Variants in TCF4 observed in about 807,000 individuals in gnomAD.
TCF4 encodes the protein SL3-3 enhancer factor 2.
TCF4 carries 3 observed loss-of-function variants against 82.1 expected under a neutral mutation model. That is an observed-to-expected ratio of 0.04 (90% CI 0.02 to 0.09). The LOEUF is 0.09. Among genes scored for constraint, TCF4 ranks in the 10% least tolerant of loss-of-function variants. The pLI is 1.00. For synonymous variants in TCF4, 276 were observed against 309.6 expected, an observed-to-expected ratio of 0.89 and a Z score of 1.14; for missense variants, 518 against 852.7, an observed-to-expected ratio of 0.61 and a Z score of 4.89.
intron 11 of TCF4, among the ~76,000 whole-genome samples, chr18:55,262,848 C>T (rs1198603390): frequency 2.0e-5 from 3 of 152,202 alleles, no homozygotes; most frequent in Non-Finnish European, 2.9e-5. Flanking sequence ...GTTCTGTTGC[C>T]CAGGCTGGAG....
intron 5 of TCF4, among the ~76,000 whole-genome samples, chr18:55,440,134 G>T (rs940834513): frequency 6.6e-6 from 1 of 152,074 alleles, no homozygotes; most frequent in Non-Finnish European, 1.5e-5. Context: ...GAGCCACCAC[G>T]CCCAGCCACA....
intron 3 of TCF4, among the ~76,000 whole-genome samples, chr18:55,575,004 T>G (rs2097514813): frequency 6.6e-6 from 1 of 152,190 alleles, no homozygotes; most frequent in African/African-American, 2.4e-5. Flanking sequence ...CCTTAAACAA[T>G]TATGGACTAT....
At chr18:55,297,147 GTTT>G (rs35268463) in intron 8 of TCF4, among the ~76,000 whole-genome samples, 52 of 64,264 alleles carry the variant, frequency 8.1e-4, no homozygotes, top group African/African-American at 2.3e-3. Flanking sequence ...TTTCTTTGAG[GTTT>G]TTTTTTTTTT....
At chr18:55,511,330 T>TAAAAAAAAAAAAAAAAAAAAAAAAAAAA (rs751932079) in intron 3 of TCF4, among the ~76,000 whole-genome samples, 2 of 73,072 alleles carry the variant, frequency 2.7e-5, no homozygotes, top group Non-Finnish European at 3.3e-5. Flanking sequence ...TTCCAAAAGT[T>TAAAAAAAAAAAAAAAAAAAAAAAAAAAA]TAAAAAAAAA....
intron 1 of TCF4, among the ~76,000 whole-genome samples, chr18:55,587,574 C>A (rs1399946903): frequency 1.3e-5 from 2 of 151,260 alleles, no homozygotes; most frequent in Non-Finnish European, 2.9e-5. Context: ...CTGCACCCCA[C>A]CCCCCTCGCA....
intron 6 of TCF4, among the ~76,000 whole-genome samples, chr18:55,380,015 A>G (rs1569275747): frequency 6.6e-6 from 1 of 152,130 alleles, no homozygotes; most frequent in African/African-American, 2.4e-5. Flanking sequence ...CTAGGACTAC[A>G]GAGGTATGTG....
intron 5 of TCF4, among the ~76,000 whole-genome samples, chr18:55,457,774 T>C (rs1045180904): frequency 6.6e-6 from 1 of 152,228 alleles, no homozygotes; most frequent in African/African-American, 2.4e-5. Flanking sequence ...ATGAACTAAG[T>C]TTTGGAATTT....
At chr18:55,368,036 A>G (rs2087722033) in intron 6 of TCF4, among the ~76,000 whole-genome samples, 1 of 152,248 alleles carries the variant, frequency 6.6e-6, no homozygotes, top group East Asian at 1.9e-4. Context: ...GAATGGCCAC[A>G]TACTACTTCT....
chr18:55,261,325 G>C (rs926196669), intron 12 of TCF4, 141 bp downstream of exon 12: 9 of 999,090 alleles, frequency 9.0e-6, no homozygotes, highest in Admixed American at 8.6e-5. Context: ...ATTTTCCAGT[G>C]ACTGTTATGC....
At chr18:55,560,057 C>T (rs2097341625) in intron 3 of TCF4, among the ~76,000 whole-genome samples, 1 of 152,142 alleles carries the variant, frequency 6.6e-6, no homozygotes, top group African/African-American at 2.4e-5. Flanking sequence ...AATAAAAGCA[C>T]ATAATAATAT....
chr18:55,497,826 T>G (rs991667408), intron 3 of TCF4, among the ~76,000 whole-genome samples: 2 of 152,032 alleles, frequency 1.3e-5, no homozygotes, highest in Non-Finnish European at 2.9e-5. Context: ...CTTTAAAGTA[T>G]CCATTAACTA....
chr18:55,555,564 A>G (rs2097296503), intron 3 of TCF4, among the ~76,000 whole-genome samples: 1 of 152,236 alleles, frequency 6.6e-6, no homozygotes, highest in African/African-American at 2.4e-5. Context: ...ACATAAATAC[A>G]CTGTACATAA....
rs558817914 is a variant in TCF4, at chr18:55,566,469, CAAG to C, written c.145+18808_145+18810del. On this transcript the variant is annotated intron_variant, in intron 3 of 19. Coordinates refer to ENST00000354452, the MANE Select transcript of TCF4 (RefSeq NM_001083962.2). ...TATAATACAAAAACTGTCATAAATA[CAAG>C]AAGAACTTAAAGACAGAATCACAAA... 1.6e-4 allele frequency among the ~76,000 whole-genome samples: 24 copies of C among 151,804 alleles called. No individual in the cohort carries two copies. The East Asian group carries it at 4.3e-3, about 27-fold the overall frequency.
At chr18:55,569,427 C>G (rs1171549296) in intron 3 of TCF4, among the ~76,000 whole-genome samples, 3 of 152,018 alleles carry the variant, frequency 2.0e-5, no homozygotes, top group Non-Finnish European at 4.4e-5. Flanking sequence ...CAACTGTAGT[C>G]CCAGCTACTT....
intron 3 of TCF4, among the ~76,000 whole-genome samples, chr18:55,533,619 G>A (rs970126149): frequency 3.9e-5 from 6 of 152,136 alleles, no homozygotes; most frequent in South Asian, 2.1e-4. Context: ...CTTTCTTGAC[G>A]TTTTTCACAA....
At chr18:55,574,505 A>T (rs2097508768) in intron 3 of TCF4, among the ~76,000 whole-genome samples, 1 of 152,114 alleles carries the variant, frequency 6.6e-6, no homozygotes, top group Non-Finnish European at 1.5e-5. Context: ...TTGTATTTTT[A>T]GTAGAAACGG....
At chr18:55,262,663 G>C (rs1201760194) in intron 11 of TCF4, among the ~76,000 whole-genome samples, 1 of 152,198 alleles carries the variant, frequency 6.6e-6, no homozygotes, top group Admixed American at 6.5e-5. Context: ...TTCCACACTT[G>C]TAAAATGCAG....
At chr18:55,254,283 G>A (rs2056163238) in intron 15 of TCF4, among the ~76,000 whole-genome samples, 1 of 152,068 alleles carries the variant, frequency 6.6e-6, no homozygotes, top group Non-Finnish European at 1.5e-5. Context: ...TTTGCAGGGG[G>A]CAAAAATATT....
At chr18:55,323,890 T>C (rs972917341) in intron 8 of TCF4, among the ~76,000 whole-genome samples, 1 of 152,258 alleles carries the variant, frequency 6.6e-6, no homozygotes, top group African/African-American at 2.4e-5. Context: ...TAAACTCTTT[T>C]GATAAACAAT....
Sources: allele counts gnomAD v4.1 joint callset (sites outside exome capture counted in the v4.1 genomes callset), GRCh38; gene constraint gnomAD v4.1.1; transcripts MANE v1.5; gene names NCBI Gene and HGNC (gene_info 2026-07-23, HGNC 2026-07-21).